The following COL18A1 variants were observed in gnomAD, a reference collection of about 807,000 sequenced individuals.
COL18A1 encodes the protein collagen type XVIII alpha 1 chain, also known as collagen alpha-1(XVIII) chain.
Under a neutral mutation model 168.0 loss-of-function variants are expected in COL18A1, and 133 were observed. That is an observed-to-expected ratio of 0.79 (90% CI 0.69 to 0.91). The LOEUF (loss-of-function observed/expected upper bound fraction) is 0.91. Among genes scored for constraint, COL18A1 ranks in the 40% least tolerant of loss-of-function variants. The pLI is 0.00. For missense variants in COL18A1, 2,126 were observed against 1,925.4 expected (o/e 1.10, Z -1.95); for synonymous variants, 949 against 809.0 (o/e 1.17, Z -2.94).
Position 45,488,415 on chromosome 21 carries a change from CAG to C in COL18A1, c.1897-2_1897-1del. The stretch of plus-strand genomic sequence containing the variant: ...TAACACTGTGTCTCCTCTGCCCTGA[CAG>C]GGACCTCCCGGCCTGCCGGGACTTA... On this transcript the variant is annotated splice_acceptor_variant, in intron 17 of 41. Coordinates refer to ENST00000651438, the MANE Select transcript of COL18A1 (RefSeq NM_001379500.1). LOFTEE classifies it high-confidence loss of function. 1 of 1,613,878 alleles carries C rather than the reference CAG, an allele frequency of 6.2e-7. No individual in the cohort carries two copies. Among genetic ancestry groups the C allele is most frequent in the Non-Finnish European group, 8.5e-7 (1 of 1,180,006 alleles).
At position 45,509,513 on chromosome 21, in the gene COL18A1, G is replaced by T; in HGVS notation, c.3407G>T (p.Gly1136Val). Reference sequence around the variant, plus strand: ...CTGCCCGAGCCCCAGCCCTACCCCGGAGCCCCGCACCACAGCTCCTACGTG... The same window carrying T: ...CTGCCCGAGCCCCAGCCCTACCCCGTAGCCCCGCACCACAGCTCCTACGTG... ...PRLPEPQPYPGAPHHSSYVHL... is the reference protein window; with the variant it reads ...PRLPEPQPYPVAPHHSSYVHL... Residue 1136 changes from glycine to valine, a missense_variant, in exon 39 of 42, where the codon GGA becomes GTA. By Grantham distance (109) the Gly-to-Val change is moderately radical. Coordinates refer to ENST00000651438, the MANE Select transcript of COL18A1 (RefSeq NM_001379500.1). 6.5e-7 allele frequency: 1 copy of T among 1,534,330 alleles called. No homozygotes were observed. The highest frequency in any genetic ancestry group is 2.4e-5 in the East Asian group (1 of 41,856).
intron 32 of COL18A1, among the ~76,000 whole-genome samples, chr21:45,503,530 G>T (rs965472791): frequency 2.0e-5 from 3 of 151,024 alleles, no homozygotes; most frequent in Non-Finnish European, 4.4e-5. Context: ...GTAAACTATT[G>T]CAAGAACAAA....
intron 2 of COL18A1, among the ~76,000 whole-genome samples, chr21:45,440,222 C>T (rs1489561889): frequency 6.6e-6 from 1 of 152,246 alleles, no homozygotes; most frequent in African/African-American, 2.4e-5. Flanking sequence ...CACAGGCTCC[C>T]GCTGGAATTT....
In COL18A1 at chr21:45,505,342, G is replaced by C. The variant is rs764803670; in HGVS notation, c.3014-16G>C. ...TCGTGTGGCTTCGTGTTCCCACCTT[G>C]GTTTCTCTCCTGCAGCTATCAGCGT... On this transcript the variant is annotated splice_polypyrimidine_tract_variant and intron_variant, in intron 35 of 41. Coordinates refer to ENST00000651438, the MANE Select transcript of COL18A1 (RefSeq NM_001379500.1). 1.9e-6 allele frequency: 3 copies of C among 1,594,660 alleles called. No individual in the cohort carries two copies. The South Asian group carries it at 3.3e-5, about 18-fold the overall frequency.
intron 2 of COL18A1, among the ~76,000 whole-genome samples, chr21:45,432,566 C>G (rs567381453): frequency 6.6e-6 from 1 of 152,232 alleles, no homozygotes; most frequent in Non-Finnish European, 1.5e-5. Context: ...AGAACCCCCT[C>G]GAGTCCTAAC....
Position 45,455,986 on chromosome 21 carries a change from T to G in COL18A1, c.107-12256T>G, listed in dbSNP as rs1462417627. 5.0e-6 allele frequency: 8 copies of G among 1,612,810 alleles called. No individual in the cohort carries two copies. In the African/African-American group the frequency reaches 9.3e-5, roughly 19 times the overall value. On this transcript the variant is annotated intron_variant, in intron 2 of 41. Transcript: ENST00000651438. ...TCCTGGAGACTCCTGTGGGCCCCCTTGCCCTCGCTGGGCCTTCCAGCACCC... is the reference window on the plus strand; with the variant it reads ...TCCTGGAGACTCCTGTGGGCCCCCTGGCCCTCGCTGGGCCTTCCAGCACCC...
chr21:45,506,020 C>T, intron 37 of COL18A1, 54 bp downstream of exon 37: 1 of 1,611,760 alleles, frequency 6.2e-7, no homozygotes, highest in Non-Finnish European at 8.5e-7. Context: ...AAGCCGCCTC[C>T]TGGGGCTTAA....
intron 2 of COL18A1, chr21:45,455,648 C>T: frequency 6.2e-7 from 1 of 1,613,956 alleles, no homozygotes; most frequent in Non-Finnish European, 8.5e-7. Context: ...GGACACCAGC[C>T]ATGCAGCTAC....
chr21:45,474,280 G>A (rs907044685), intron 4 of COL18A1, among the ~76,000 whole-genome samples: 10 of 150,684 alleles, frequency 6.6e-5, no homozygotes, highest in African/African-American at 1.7e-4. Context: ...TCTGTGTGGT[G>A]TGTCTCTGTG....
At chr21:45,488,857 T>TC (rs974746726) in intron 18 of COL18A1, among the ~76,000 whole-genome samples, 1 of 151,788 alleles carries the variant, frequency 6.6e-6, no homozygotes, top group Non-Finnish European at 1.5e-5. Context: ...TGTCCTCTGC[T>TC]CCCCCCATCC....
chr21:45,426,127 CAG>C (rs2145772358), intron 2 of COL18A1, among the ~76,000 whole-genome samples: 1 of 152,082 alleles, frequency 6.6e-6, no homozygotes, highest in South Asian at 2.1e-4. Flanking sequence ...TTTTTTGAGA[CAG>C]AGTCTCGCTC....
intron 2 of COL18A1, among the ~76,000 whole-genome samples, chr21:45,410,454 C>G (rs1163949140): frequency 1.3e-5 from 2 of 152,168 alleles, no homozygotes; most frequent in South Asian, 2.1e-4. Context: ...CCCCTGCAGA[C>G]AGACACTGGG....
rs531519449 is a variant in COL18A1, at chr21:45,509,945, C to T, written c.3496-119C>T. On this transcript the variant is annotated intron_variant, in intron 39 of 41. Coordinates refer to ENST00000651438, the MANE Select transcript of COL18A1 (RefSeq NM_001379500.1). ...CTCAGTGTGTCACTTGCGCGCCTCC[C>T]GCTCAGCGCCCCTCGGCCGTGCCTG... The T allele has an allele frequency of 2.6e-4, 312 of 1,208,710 alleles. 3 individuals are homozygous for T. The South Asian group carries it at 4.1e-3, about 16-fold the overall frequency. The allele number at this position is 1,208,710 out of a possible 1,614,324, so 74.9% of individuals were successfully genotyped here.
In COL18A1 at chr21:45,498,722, C is replaced by T; in HGVS notation, c.2683+1061C>T. The stretch of plus-strand genomic sequence containing the variant: ...GACGCCCAGGAAGGAGTGAATGATG[C>T]ACAGATGACCAGAAACCAGGAGAAG... On this transcript the variant is annotated intron_variant, in intron 32 of 41. Coordinates refer to ENST00000651438, the MANE Select transcript of COL18A1 (RefSeq NM_001379500.1). The surrounding 1 kb of genome is among the most constrained non-coding windows in gnomAD (Gnocchi z 4.5). The T allele has an allele frequency of 3.2e-6, 2 of 620,124 alleles. No homozygotes were observed. The highest frequency in any genetic ancestry group is 1.9e-5 in the South Asian group (1 of 52,874). The allele number at this position is 620,124 out of a possible 1,614,324, so 38.4% of individuals were successfully genotyped here. A position where few individuals can be genotyped will look rare whatever the true frequency, so the allele number is the denominator to read the frequency against.
At chr21:45,476,989 G>A in intron 6 of COL18A1, among the ~76,000 whole-genome samples, 1 of 151,770 alleles carries the variant, frequency 6.6e-6, no homozygotes, top group East Asian at 2.0e-4. Context: ...TGGTGGCTCT[G>A]GGTACAGGCT....
intron 33 of COL18A1, 106 bp downstream of exon 33, chr21:45,504,160 C>A: frequency 7.5e-7 from 1 of 1,338,794 alleles, no homozygotes; most frequent in South Asian, 1.2e-5. Flanking sequence ...CCTTCCTGTT[C>A]AGCCCTGCGA....
At chr21:45,452,269 G>C (rs1428524225) in intron 2 of COL18A1, among the ~76,000 whole-genome samples, 1 of 152,256 alleles carries the variant, frequency 6.6e-6, no homozygotes, top group East Asian at 1.9e-4. Flanking sequence ...CTTTCTGAGA[G>C]TGCAAGTACA....
intron 3 of COL18A1, among the ~76,000 whole-genome samples, chr21:45,469,116 C>T (rs773752274): frequency 1.2e-4 from 19 of 152,196 alleles, no homozygotes; most frequent in Non-Finnish European, 2.5e-4. Context: ...CCTCTTTGAA[C>T]GACTTTGTAA....
chr21:45,503,847 C>T, intron 32 of COL18A1, 164 bp from the exon 33 acceptor site: 1 of 525,060 alleles, frequency 1.9e-6, no homozygotes, highest in South Asian at 3.2e-5. Context: ...ACAAAAACAT[C>T]AGAAAGTATC....
Sources: gnomAD v4.1 joint callset for allele counts (sites outside exome capture counted in the v4.1 genomes callset) on GRCh38, gnomAD v4.1.1 for gene constraint, Gnocchi (gnomAD v3.1) non-coding constraint, MANE v1.5 for transcripts, NCBI Gene and HGNC (gene_info 2026-07-23, HGNC 2026-07-21) for gene names.